The following CDYL2 variants were observed in gnomAD, a reference collection of about 807,000 sequenced individuals.
CDYL2 encodes the protein chromodomain Y like 2.
A neutral mutation model predicts 49.4 loss-of-function variants in CDYL2; 23 were observed. The ratio of observed to expected loss-of-function variants is 0.47; its 90% CI spans 0.34 to 0.66. The LOEUF (loss-of-function observed/expected upper bound fraction) is 0.66. Ranked by LOEUF, CDYL2 falls within the 30% of genes least tolerant of loss-of-function variation. The pLI, the probability that CDYL2 is intolerant of heterozygous loss-of-function variation, is 0.01. For synonymous variants in CDYL2, 360 were observed against 268.8 expected (o/e 1.34, Z -3.32); for missense variants, 678 against 656.4 (o/e 1.03, Z -0.36).
intron 1 of CDYL2, among the ~76,000 whole-genome samples, chr16:80,784,985 A>T (rs916940271): frequency 6.6e-6 from 1 of 152,162 alleles, no homozygotes; most frequent in African/African-American, 2.4e-5. Flanking sequence ...AACAAAAAAG[A>T]GTCAGTAAGT....
intron 1 of CDYL2, among the ~76,000 whole-genome samples, chr16:80,784,987 T>C (rs1408107242): frequency 6.6e-6 from 1 of 151,368 alleles, no homozygotes; most frequent in Admixed American, 6.6e-5. Context: ...CAAAAAAGAG[T>C]CAGTAAGTTT....
chr16:80,771,947 AG>A (rs1399788436), intron 1 of CDYL2, among the ~76,000 whole-genome samples: 1 of 152,182 alleles, frequency 6.6e-6, no homozygotes, highest in African/African-American at 2.4e-5. Flanking sequence ...ACTGCATATG[AG>A]GGGAACACCA....
At chr16:80,731,978 A>C (rs1905342348) in intron 1 of CDYL2, among the ~76,000 whole-genome samples, 1 of 151,820 alleles carries the variant, frequency 6.6e-6, no homozygotes. Flanking sequence ...ACAGAGATGC[A>C]CTAGGCCGCA....
intron 1 of CDYL2, among the ~76,000 whole-genome samples, chr16:80,711,129 G>C (rs1032000420): frequency 2.0e-5 from 3 of 152,222 alleles, no homozygotes; most frequent in Non-Finnish European, 4.4e-5. Flanking sequence ...TGGCAAACTG[G>C]ACAGTGCTTG....
intron 1 of CDYL2, among the ~76,000 whole-genome samples, chr16:80,768,876 G>A (rs925239620): frequency 1.3e-5 from 2 of 152,104 alleles, no homozygotes; most frequent in African/African-American, 4.8e-5. Context: ...AGATAATGCA[G>A]ATAAAACACT....
intron 1 of CDYL2, among the ~76,000 whole-genome samples, chr16:80,726,600 A>G (rs1284967076): frequency 6.6e-6 from 1 of 152,222 alleles, no homozygotes; most frequent in Admixed American, 6.5e-5. Context: ...CTTAAACACA[A>G]AGAAAGAGAT....
chr16:80,710,262 T>C (rs1418931383), intron 1 of CDYL2, among the ~76,000 whole-genome samples: 1 of 152,202 alleles, frequency 6.6e-6, no homozygotes, highest in Non-Finnish European at 1.5e-5. Flanking sequence ...CAAGTCATAT[T>C]ATAGCAGAAC....
chr16:80,794,598 ATTTTTTTTTTTTTTT>A (rs966789395), intron 1 of CDYL2, among the ~76,000 whole-genome samples: 7 of 66,864 alleles, frequency 1.0e-4, no homozygotes, highest in East Asian at 4.4e-4. Context: ...ATTCCCAGTG[ATTTTTTTTTTTTTTT>A]TTTTTTTTTT....
intron 1 of CDYL2, among the ~76,000 whole-genome samples, chr16:80,722,516 G>A (rs574314213): frequency 1.2e-4 from 18 of 152,282 alleles, no homozygotes; most frequent in South Asian, 2.1e-4. Flanking sequence ...CATCAACAAC[G>A]GAATGGGCAC....
At chr16:80,779,075 C>G (rs920225516) in intron 1 of CDYL2, among the ~76,000 whole-genome samples, 1 of 151,784 alleles carries the variant, frequency 6.6e-6, no homozygotes, top group Non-Finnish European at 1.5e-5. Context: ...CTTCCCCTCA[C>G]TCCAAGGAAG....
intron 1 of CDYL2, among the ~76,000 whole-genome samples, chr16:80,782,530 G>GAAAAAAAAAA (rs1188248662): frequency 2.0e-4 from 7 of 35,778 alleles, no homozygotes; most frequent in Non-Finnish European, 3.7e-4. Context: ...GACATAAGGA[G>GAAAAAAAAAA]AAAAAAAAAA....
At chr16:80,734,631 C>G (rs539271488) in intron 1 of CDYL2, among the ~76,000 whole-genome samples, 6 of 152,224 alleles carry the variant, frequency 3.9e-5, no homozygotes, top group African/African-American at 1.2e-4. Flanking sequence ...GGGGCTTGAA[C>G]TTACTCATTC....
intron 1 of CDYL2, among the ~76,000 whole-genome samples, chr16:80,691,767 T>C (rs1289513373): frequency 6.6e-6 from 1 of 152,190 alleles, no homozygotes; most frequent in African/African-American, 2.4e-5. Context: ...ATGACCCATG[T>C]TTTTAAAAGA....
At chr16:80,761,086 G>C (rs549931144) in intron 1 of CDYL2, among the ~76,000 whole-genome samples, 124 of 152,306 alleles carry the variant, frequency 8.1e-4, no homozygotes, top group African/African-American at 2.9e-3. Context: ...AAAGGAGAGA[G>C]GGTACAAGGA....
intron 1 of CDYL2, among the ~76,000 whole-genome samples, chr16:80,782,453 C>G (rs906311109): frequency 1.4e-5 from 2 of 143,546 alleles, no homozygotes; most frequent in African/African-American, 5.2e-5. Context: ...TTCTAAAAAG[C>G]TAAAAGGGAG....
At chr16:80,607,167 G>C (rs1337721094) in intron 6 of CDYL2, among the ~76,000 whole-genome samples, 1 of 152,092 alleles carries the variant, frequency 6.6e-6, no homozygotes, top group Non-Finnish European at 1.5e-5. Context: ...TAACAACCTG[G>C]AGACCGCCAC....
intron 4 of CDYL2, among the ~76,000 whole-genome samples, chr16:80,620,248 G>C (rs531956767): frequency 1.4e-3 from 213 of 152,322 alleles, no homozygotes; most frequent in African/African-American, 4.9e-3. Flanking sequence ...CTTTTGCCCA[G>C]GGGCAATTAG....
intron 2 of CDYL2, among the ~76,000 whole-genome samples, chr16:80,671,652 A>T (rs1406204841): frequency 6.6e-6 from 1 of 152,268 alleles, no homozygotes; most frequent in Non-Finnish European, 1.5e-5. Context: ...GTACTTGAGC[A>T]TGCAGAGAAA....
rs1555535881 is a variant in CDYL2, at chr16:80,759,118, A to ATATATATATATATATGGTT, written c.24+45031_24+45032insAACCATATATATATATATA. ...AACCATATACTATATATATATATAT[A>ATATATATATATATATGGTT]TATATATATATATATATATATGGTT... On this transcript the variant is annotated intron_variant, in intron 1 of 6. Coordinates refer to ENST00000570137, the MANE Select transcript of CDYL2 (RefSeq NM_152342.4). Among the ~76,000 whole-genome samples the ATATATATATATATATGGTT allele has an allele frequency of 4.7e-4, 56 of 118,464 alleles. 1 individual carries two copies. The highest frequency in any genetic ancestry group is 1.8e-3 in the African/African-American group (49 of 27,092). The allele number at this position is 118,464 out of a possible 152,430, so 77.7% of individuals were successfully genotyped here. A position where few individuals can be genotyped will look rare whatever the true frequency, so the allele number is the denominator to read the frequency against.
Sources: gnomAD v4.1 joint callset for allele counts (sites outside exome capture counted in the v4.1 genomes callset) on GRCh38, gnomAD v4.1.1 for gene constraint, MANE v1.5 for transcripts, NCBI Gene and HGNC (gene_info 2026-07-23, HGNC 2026-07-21) for gene names.